FBXO42: variants seen among roughly 807,000 people sequenced by gnomAD.
The protein encoded by FBXO42 is F-box protein 42.
A neutral mutation model predicts 71.7 loss-of-function variants in FBXO42; 12 were observed. The observed-to-expected ratio is 0.17, with a 90% CI of 0.11 to 0.27. The LOEUF (loss-of-function observed/expected upper bound fraction) is 0.27, where lower values mean the gene tolerates loss of function less well. Among genes scored for constraint, FBXO42 ranks in the 10% least tolerant of loss-of-function variants. The probability of loss-of-function intolerance (pLI) is 1.00; values close to 1 mark genes in which losing one functional copy is unlikely to be tolerated. For synonymous variants in FBXO42, 325 were observed against 327.5 expected (o/e 0.99, Z 0.08); for missense variants, 707 against 911.9 (o/e 0.78, Z 2.89).
At chr1:16,322,726 G>C (rs915766050) in intron 1 of FBXO42, among the ~76,000 whole-genome samples, 2 of 152,164 alleles carry the variant, frequency 1.3e-5, no homozygotes, top group African/African-American at 4.8e-5. Context: ...ACTGTTTCTA[G>C]CTTTAATGCT....
At chr1:16,277,449 G>A (rs2081916574) in intron 4 of FBXO42, among the ~76,000 whole-genome samples, 1 of 151,962 alleles carries the variant, frequency 6.6e-6, no homozygotes, top group Admixed American at 6.6e-5. Flanking sequence ...TCCAGGCTGG[G>A]CATGGTGGCT....
intron 4 of FBXO42, among the ~76,000 whole-genome samples, chr1:16,264,851 T>C (rs1373598870): frequency 6.6e-6 from 1 of 152,234 alleles, no homozygotes; most frequent in Non-Finnish European, 1.5e-5. Flanking sequence ...GAAATCAGAA[T>C]AAAATTTCAC....
intron 4 of FBXO42, among the ~76,000 whole-genome samples, chr1:16,276,552 A>C (rs2081905886): frequency 6.6e-6 from 1 of 152,190 alleles, no homozygotes; most frequent in Non-Finnish European, 1.5e-5. Flanking sequence ...GGGAAGCAGA[A>C]GTTAGAAATG....
At chr1:16,342,701 G>C (rs1284388620) in intron 1 of FBXO42, among the ~76,000 whole-genome samples, 2 of 152,046 alleles carry the variant, frequency 1.3e-5, no homozygotes, top group African/African-American at 4.8e-5. Context: ...TTTAGATAAG[G>C]TTTGTCGCCA....
At chr1:16,334,100 G>A (rs1288835572) in intron 1 of FBXO42, among the ~76,000 whole-genome samples, 1 of 152,084 alleles carries the variant, frequency 6.6e-6, no homozygotes, top group Non-Finnish European at 1.5e-5. Context: ...TCAGCTACCA[G>A]ACAGAAATAT....
chr1:16,314,079 G>A (rs971759889), intron 2 of FBXO42, among the ~76,000 whole-genome samples: 3 of 152,104 alleles, frequency 2.0e-5, no homozygotes, highest in East Asian at 1.9e-4. Flanking sequence ...TCAGCCTCCC[G>A]AGTAGCTGGG....
At chr1:16,341,664 C>A (rs1328409444) in intron 1 of FBXO42, among the ~76,000 whole-genome samples, 2 of 145,038 alleles carry the variant, frequency 1.4e-5, no homozygotes, top group African/African-American at 2.6e-5. Context: ...GTGGTCCCTA[C>A]TATTTGATAT....
chr1:16,252,461 C>T lies in FBXO42; in HGVS notation c.922-57G>A. 2.2e-6 allele frequency: 3 copies of T among 1,341,342 alleles called. No individual in the cohort carries two copies. Among genetic ancestry groups the T allele is most frequent in the Non-Finnish European group, 3.2e-6 (3 of 936,774 alleles). 83.1% of individuals were successfully genotyped at this position (1,341,342 alleles called of 1,614,324 possible). A position where few individuals can be genotyped will look rare whatever the true frequency, so the allele number is the denominator to read the frequency against. On this transcript the variant is annotated intron_variant, in intron 8 of 9. Coordinates refer to ENST00000375592, the MANE Select transcript of FBXO42 (RefSeq NM_018994.3). This position sits in a 1 kb window ranked among gnomAD's most constrained non-coding sequence, Gnocchi z 4.4. ...GGTGTGATATGCGTTCCAAAACACA[C>T]ACACACAGAGTTGCAGTCTCAAAGC...
chr1:16,322,157 T>G (rs1013997906), intron 1 of FBXO42, among the ~76,000 whole-genome samples: 1 of 152,208 alleles, frequency 6.6e-6, no homozygotes, highest in Non-Finnish European at 1.5e-5. Flanking sequence ...ATTTTATTGG[T>G]CAGAATTAAT....
chr1:16,344,353 C>G (rs2082635785), intron 1 of FBXO42, among the ~76,000 whole-genome samples: 1 of 146,294 alleles, frequency 6.8e-6, no homozygotes, highest in Non-Finnish European at 1.5e-5. Flanking sequence ...GACAGAGACT[C>G]TACCGCCCAG....
intron 2 of FBXO42, among the ~76,000 whole-genome samples, chr1:16,308,394 G>A (rs1206944807): frequency 1.3e-5 from 2 of 152,230 alleles, no homozygotes; most frequent in Admixed American, 6.5e-5. Context: ...AAGGCAGGAG[G>A]ATCGCTTGAG....
In FBXO42 at chr1:16,251,127, A is replaced by G. The variant is rs764831757; in HGVS notation, c.1697T>C (p.Met566Thr). ...AGAGGCCGAGGGGCCTTTGGAGGAC[A>G]TCGCTTTGATGGCTTCCAGACTCCG... ...LRRSLEAIKAMSSKGPSASAA... is the reference protein window; with the variant it reads ...LRRSLEAIKATSSKGPSASAA... Residue 566 changes from methionine to threonine, a missense_variant, in exon 10 of 10, where the codon ATG becomes ACG. Around this residue, in one of 5 missense-constraint regions of FBXO42, gnomAD observed 482 missense variants for 587.1 expected, o/e 0.82. Coordinates refer to ENST00000375592, the MANE Select transcript of FBXO42 (RefSeq NM_018994.3). This position sits in a 1 kb window ranked among gnomAD's most constrained non-coding sequence, Gnocchi z 4.5. 1.2e-6 allele frequency: 2 copies of G among 1,614,038 alleles called. No homozygotes were observed. Among genetic ancestry groups the G allele is most frequent in the Non-Finnish European group, 1.7e-6 (2 of 1,180,038 alleles).
intron 1 of FBXO42, among the ~76,000 whole-genome samples, chr1:16,348,475 G>A (rs1375948622): frequency 6.6e-6 from 1 of 152,078 alleles, no homozygotes; most frequent in Non-Finnish European, 1.5e-5. Context: ...AAGGTGGGCG[G>A]ATCACATGGT....
At chr1:16,288,358 A>G (rs2082042957) in intron 4 of FBXO42, among the ~76,000 whole-genome samples, 1 of 152,010 alleles carries the variant, frequency 6.6e-6, no homozygotes, top group South Asian at 2.1e-4. Flanking sequence ...TGAACCCGGG[A>G]GGTGGAGGTT....
At chr1:16,308,247 T>C (rs764775550) in intron 2 of FBXO42, among the ~76,000 whole-genome samples, 34 of 152,100 alleles carry the variant, frequency 2.2e-4, no homozygotes, top group Non-Finnish European at 3.8e-4. Context: ...TCTCAAAGTG[T>C]TGGAATTACA....
At chr1:16,314,977 G>GAATC (rs2082349991) in intron 2 of FBXO42, among the ~76,000 whole-genome samples, 192 bp downstream of exon 2, 1 of 152,050 alleles carries the variant, frequency 6.6e-6, no homozygotes, top group African/African-American at 2.4e-5. Flanking sequence ...AATGCAAATG[G>GAATC]GATTAGATAC....
chr1:16,270,503 C>T (rs76002101), intron 4 of FBXO42, among the ~76,000 whole-genome samples: 3,579 of 151,636 alleles, frequency 0.024, 140 homozygotes, highest in African/African-American at 0.081. Flanking sequence ...TAATCATGTC[C>T]CTTTCTTTTC....
At chr1:16,261,767 G>A (rs577593447) in intron 4 of FBXO42, among the ~76,000 whole-genome samples, 30 of 152,020 alleles carry the variant, frequency 2.0e-4, no homozygotes, top group South Asian at 1.5e-3. Context: ...GCAGTGGCGC[G>A]ATCTCGGCTC....
intron 1 of FBXO42, among the ~76,000 whole-genome samples, chr1:16,328,238 T>C (rs1320572892): frequency 6.6e-6 from 1 of 152,152 alleles, no homozygotes; most frequent in East Asian, 1.9e-4. Flanking sequence ...ACAATCCAAC[T>C]ATATTACAAA....
Sources: allele counts gnomAD v4.1 joint callset (sites outside exome capture counted in the v4.1 genomes callset), GRCh38; gene constraint gnomAD v4.1.1; regional missense constraint gnomAD v4.1.1; non-coding constraint Gnocchi (gnomAD v3.1); transcripts MANE v1.5; gene names NCBI Gene and HGNC (gene_info 2026-07-23, HGNC 2026-07-21).